The following GARIN5B variants were observed in gnomAD, a reference collection of about 807,000 sequenced individuals.
GARIN5B encodes the protein Golgi-associated RAB2 interactor protein 5B.
chr19:55,360,978 G>A, the GARIN5B span: 15,861 of 1,542,142 alleles, frequency 0.01, 1,352 homozygotes, highest in African/African-American at 0.19. Context: ...CCCACCCACC[G>A]GCAACAAGAC....
At chr19:55,355,310 G>T in the GARIN5B span, 1 of 1,546,890 alleles carries the variant, frequency 6.5e-7, no homozygotes, top group Non-Finnish European at 8.7e-7. Context: ...TTAAGCCCCC[G>T]CATCCGGCCA....
At chr19:55,358,666 C>A in the GARIN5B span, 1 of 1,551,448 alleles carries the variant, frequency 6.4e-7, no homozygotes, top group South Asian at 1.2e-5. Context: ...CTGAAGCCAT[C>A]ATTGACGTGG....
chr19:55,359,980 C>A, the GARIN5B span: 2 of 1,542,456 alleles, frequency 1.3e-6, no homozygotes, highest in Non-Finnish European at 1.8e-6. Flanking sequence ...ATGTGCAGGC[C>A]TGTAGGTGGA....
chr19:55,360,727 GA>G, the GARIN5B span: 2 of 1,551,632 alleles, frequency 1.3e-6, no homozygotes. Flanking sequence ...GGCGGTGCTG[GA>G]AATGATGCTG....
chr19:55,362,656 G>C, the GARIN5B span: 1 of 1,546,962 alleles, frequency 6.5e-7, no homozygotes, highest in Non-Finnish European at 8.7e-7. Context: ...CACCAGGCCT[G>C]GCAGGGAGGC....
At chr19:55,357,773 G>A in the GARIN5B span, among the ~76,000 whole-genome samples, 1 of 152,238 alleles carries the variant, frequency 6.6e-6, no homozygotes, top group Non-Finnish European at 1.5e-5. Context: ...GTGAAAGGGG[G>A]CCAGGCGTGG....
chr19:55,357,048 C>A, the GARIN5B span, among the ~76,000 whole-genome samples: 1 of 152,098 alleles, frequency 6.6e-6, no homozygotes, highest in Non-Finnish European at 1.5e-5. Context: ...CAGAGCAAGA[C>A]TCCGTCAGAA....
chr19:55,355,402 G>T, the GARIN5B span: 1 of 1,529,652 alleles, frequency 6.5e-7, no homozygotes, highest in Non-Finnish European at 8.9e-7. Context: ...GGAGAGAGGG[G>T]TACCCAGGGC....
chr19:55,355,453 A>C, the GARIN5B span: 6 of 1,158,296 alleles, frequency 5.2e-6, no homozygotes, highest in South Asian at 8.1e-5. Flanking sequence ...AGCGTCCCCC[A>C]GGGCGGGTCT....
At chr19:55,362,798 C>G in the GARIN5B span, 1 of 1,491,656 alleles carries the variant, frequency 6.7e-7, no homozygotes, top group Non-Finnish European at 9.0e-7. Flanking sequence ...CTGAGCCTCC[C>G]TCCTGATCGT....
At chr19:55,358,596 G>A in the GARIN5B span, 1 of 1,551,366 alleles carries the variant, frequency 6.4e-7, no homozygotes, top group Non-Finnish European at 8.7e-7. Context: ...GACTCTGGCT[G>A]CTCTCTGACC....
At chr19:55,358,804 G>A in the GARIN5B span, 1 of 1,548,794 alleles carries the variant, frequency 6.5e-7, no homozygotes, top group Middle Eastern at 1.7e-4. Context: ...AGAAGGGCCT[G>A]CTGTGCTCCT....
the GARIN5B span, chr19:55,359,375 G>A: frequency 6.5e-7 from 1 of 1,549,436 alleles, no homozygotes; most frequent in Non-Finnish European, 8.7e-7. Flanking sequence ...CTTCTGGGGT[G>A]GGGCAGGTAC....
the GARIN5B span, chr19:55,363,204 C>A: frequency 1.1e-6 from 1 of 924,838 alleles, no homozygotes; most frequent in Non-Finnish European, 1.5e-6. This position sits in a 1 kb window ranked among gnomAD's most constrained non-coding sequence, Gnocchi z 4.0. Context: ...GGAGATGCCC[C>A]AGGCTGGGAG....
At chr19:55,358,183 C>G in the GARIN5B span, 9 of 1,526,704 alleles carry the variant, frequency 5.9e-6, no homozygotes, top group Non-Finnish European at 7.9e-6. Flanking sequence ...CCTCCTGTAT[C>G]TCCTCTGCCT....
chr19:55,358,772 G>C, the GARIN5B span: 1 of 1,549,460 alleles, frequency 6.5e-7, no homozygotes, highest in Non-Finnish European at 8.7e-7. Flanking sequence ...CATGAGCTTG[G>C]TGAGGGTGAG....
chr19:55,362,322 A>G, the GARIN5B span: 1 of 1,550,264 alleles, frequency 6.5e-7, no homozygotes, highest in East Asian at 2.4e-5. Flanking sequence ...CTGGGGGTCC[A>G]GGTGGGAGCC....
chr19:55,361,954 GA>G, the GARIN5B span, among the ~76,000 whole-genome samples: 1 of 116,112 alleles, frequency 8.6e-6, no homozygotes, highest in African/African-American at 3.2e-5. Context: ...TCAGACCCAG[GA>G]GTCCAGGGCC....
the GARIN5B span, among the ~76,000 whole-genome samples, chr19:55,356,980 C>G: frequency 1.3e-5 from 2 of 152,112 alleles, no homozygotes; most frequent in Non-Finnish European, 2.9e-5. Context: ...TTGCTTGAAC[C>G]CAGGAGGCAG....
Sources: allele counts gnomAD v4.1 joint callset (sites outside exome capture counted in the v4.1 genomes callset), GRCh38; gene constraint gnomAD v4.1.1; non-coding constraint Gnocchi (gnomAD v3.1); transcripts MANE v1.5; gene names NCBI Gene and HGNC (gene_info 2026-07-23, HGNC 2026-07-21).